SGTB: variants seen among roughly 807,000 people sequenced by gnomAD.
SGTB encodes small glutamine rich tetratricopeptide repeat co-chaperone beta.
A neutral mutation model predicts 43.9 loss-of-function variants in SGTB; 19 were observed. The ratio of observed to expected loss-of-function variants is 0.43; its 90% CI spans 0.30 to 0.63. SGTB has a LOEUF of 0.63. Ranked by LOEUF, SGTB falls within the 30% of genes least tolerant of loss-of-function variation. The pLI, the probability that SGTB is intolerant of heterozygous loss-of-function variation, is 0.12. For synonymous variants in SGTB, 116 were observed against 117.3 expected (o/e 0.99, Z 0.07); for missense variants, 304 against 358.9 (o/e 0.85, Z 1.24).
At chr5:65,675,937 G>C (rs1229780131) in intron 8 of SGTB, among the ~76,000 whole-genome samples, 3 of 151,996 alleles carry the variant, frequency 2.0e-5, no homozygotes, top group Non-Finnish European at 4.4e-5. Context: ...ACATAAGTTT[G>C]CAAAATAACC....
chr5:65,701,694 G>T (rs1757826528), intron 5 of SGTB, among the ~76,000 whole-genome samples: 1 of 147,598 alleles, frequency 6.8e-6, no homozygotes, highest in Non-Finnish European at 1.5e-5. Flanking sequence ...GTGCAGTGGC[G>T]CCATCTTGGC....
At chr5:65,704,049 A>AATAAAT (rs367586277) in intron 5 of SGTB, among the ~76,000 whole-genome samples, 2,040 of 139,362 alleles carry the variant, frequency 0.015, 43 homozygotes, top group African/African-American at 0.044. Flanking sequence ...AAAAAAAAAA[A>AATAAAT]AAATAAATAA....
chr5:65,707,156 G>A (rs931091796), intron 4 of SGTB, among the ~76,000 whole-genome samples: 4 of 151,670 alleles, frequency 2.6e-5, no homozygotes, highest in Admixed American at 6.6e-5. Context: ...CCAGCTACTC[G>A]GGAGGCTGAG....
chr5:65,709,987 G>T (rs1303490112), intron 3 of SGTB, among the ~76,000 whole-genome samples: 1 of 151,968 alleles, frequency 6.6e-6, no homozygotes, highest in African/African-American at 2.4e-5. Flanking sequence ...AATATATTTT[G>T]CAAATTAGAC....
At chr5:65,701,581 C>T (rs1182568677) in intron 5 of SGTB, among the ~76,000 whole-genome samples, 1 of 151,220 alleles carries the variant, frequency 6.6e-6, no homozygotes, top group Non-Finnish European at 1.5e-5. Context: ...ATATAGGGCT[C>T]TGCTGTCTGA....
At chr5:65,704,049 A>AAAAAAAAAAAAAAAAAAAAAAT (rs1554025721) in intron 5 of SGTB, among the ~76,000 whole-genome samples, 1 of 139,634 alleles carries the variant, frequency 7.2e-6, no homozygotes, top group African/African-American at 2.7e-5. Context: ...AAAAAAAAAA[A>AAAAAAAAAAAAAAAAAAAAAAT]AAATAAATAA....
intron 5 of SGTB, among the ~76,000 whole-genome samples, chr5:65,692,916 CAA>C (rs948719833): frequency 1.1e-4 from 16 of 152,044 alleles, no homozygotes; most frequent in Admixed American, 1.0e-3. Flanking sequence ...AATAGAAAGA[CAA>C]AGAGAGGCCA....
chr5:65,680,910 A>T (rs980096990), intron 6 of SGTB, 116 bp from the exon 7 acceptor site: 1 of 1,154,476 alleles, frequency 8.7e-7, no homozygotes, highest in African/African-American at 1.6e-5. Context: ...GATTACACTT[A>T]ATTTATTCAC....
intron 5 of SGTB, among the ~76,000 whole-genome samples, chr5:65,695,845 C>T (rs1757704995): frequency 6.6e-6 from 1 of 152,188 alleles, no homozygotes; most frequent in Admixed American, 6.6e-5. Flanking sequence ...TATTATCACT[C>T]CTTACAACTA....
At chr5:65,671,863 G>T in intron 10 of SGTB, 52 bp downstream of exon 10, 1 of 1,519,084 alleles carries the variant, frequency 6.6e-7, no homozygotes, top group Non-Finnish European at 9.1e-7. Context: ...ATAGAGATAG[G>T]CTGTAAAACA....
chr5:65,676,322 A>G (rs1408268075), intron 8 of SGTB, among the ~76,000 whole-genome samples: 1 of 149,650 alleles, frequency 6.7e-6, no homozygotes, highest in Non-Finnish European at 1.5e-5. Flanking sequence ...GTCTCAAGAG[A>G]AAAAAAAAAG....
chr5:65,697,673 A>G (rs1757738722), intron 5 of SGTB, among the ~76,000 whole-genome samples: 1 of 152,198 alleles, frequency 6.6e-6, no homozygotes, highest in African/African-American at 2.4e-5. Context: ...ATGATTAATA[A>G]AGGAATTTTT....
intron 5 of SGTB, among the ~76,000 whole-genome samples, chr5:65,688,801 G>A (rs553087675): frequency 6.6e-6 from 1 of 152,138 alleles, no homozygotes; most frequent in South Asian, 2.1e-4. Flanking sequence ...AGGATTTAAT[G>A]TTAACTATTT....
chr5:65,720,727 A>C lies in SGTB; in HGVS notation c.81T>G (p.Asp27Glu). The change falls in exon 2 of 11, where the codon GAT becomes GAG. Residue 27 changes from aspartate to glutamate, a missense_variant. Transcript: ENST00000381007. ...GCATACCTTCCAAACTTTCTTGTTC[A>C]TCCGAGGTGTAAGTGTCCATCTGAC... ...EQSQMDTYTS[D>E]EQESLEVAIQ... is the part of the protein sequence containing the mutation. 6.2e-7 allele frequency: 1 copy of C among 1,613,790 alleles called. No individual in the cohort carries two copies.
chr5:65,692,243 A>T (rs1757628354), intron 5 of SGTB, among the ~76,000 whole-genome samples: 1 of 152,234 alleles, frequency 6.6e-6, no homozygotes, highest in Non-Finnish European at 1.5e-5. Flanking sequence ...GCAACTATCA[A>T]CGTATGTGAT....
Position 65,721,943 on chromosome 5 carries a change from T to C in SGTB, c.-49A>G, listed in dbSNP as rs2150727941. On this transcript the variant is annotated 5_prime_UTR_variant, in exon 1 of 11. Transcript: ENST00000381007. ...AAGCAGGAGGACGCGAGACGACTGC[T>C]GCTGGCCCGCGGGGTTCCGTAGGCA... is the stretch of plus-strand genomic sequence containing the variant. 6.6e-6 allele frequency: 1 copy of C among 152,380 alleles called. No homozygotes were observed. Among genetic ancestry groups the C allele is most frequent in the South Asian group, 2.1e-4 (1 of 4,834 alleles). The allele number at this position is 152,380 out of a possible 1,614,324, so 9.4% of individuals were successfully genotyped here. A position where few individuals can be genotyped will look rare whatever the true frequency, so the allele number is the denominator to read the frequency against.
At chr5:65,687,966 G>C (rs369977328) in intron 5 of SGTB, among the ~76,000 whole-genome samples, 1 of 151,896 alleles carries the variant, frequency 6.6e-6, no homozygotes, top group East Asian at 1.9e-4. Context: ...ACAGGGTTTC[G>C]CCATGTTGGC....
At chr5:65,701,009 CAAA>C (rs1161067337) in intron 5 of SGTB, among the ~76,000 whole-genome samples, 1 of 16,086 alleles carries the variant, frequency 6.2e-5, no homozygotes, top group African/African-American at 1.9e-4. Flanking sequence ...GACTCCGTCT[CAAA>C]AAAAAAAAAA....
At chr5:65,696,722 A>G (rs914171874) in intron 5 of SGTB, among the ~76,000 whole-genome samples, 1 of 152,260 alleles carries the variant, frequency 6.6e-6, no homozygotes, top group Non-Finnish European at 1.5e-5. Flanking sequence ...AATGTTACAC[A>G]TTGTGGCAAG....
Sources: allele counts gnomAD v4.1 joint callset (sites outside exome capture counted in the v4.1 genomes callset), GRCh38; gene constraint gnomAD v4.1.1; transcripts MANE v1.5; gene names NCBI Gene and HGNC (gene_info 2026-07-23, HGNC 2026-07-21).